Variants in DLGAP1 observed in about 807,000 individuals in gnomAD.
DLGAP1 encodes DLG associated protein 1.
In DLGAP1, 11 loss-of-function variants were observed where a neutral mutation model predicts 90.8. That is an observed-to-expected ratio of 0.12 (90% CI 0.08 to 0.20). The LOEUF (loss-of-function observed/expected upper bound fraction) is 0.20. Ranked by LOEUF, DLGAP1 falls within the 10% of genes least tolerant of loss-of-function variation. DLGAP1 has a pLI of 1.00. For missense variants in DLGAP1, 1,050 were observed against 1,333.8 expected, an observed-to-expected ratio of 0.79 and a Z score of 3.31; for synonymous variants, 558 against 540.7, an observed-to-expected ratio of 1.03 and a Z score of -0.44.
intron 10 of DLGAP1, among the ~76,000 whole-genome samples, chr18:3,511,078 G>A (rs2050513231): frequency 6.6e-6 from 1 of 152,166 alleles, no homozygotes; most frequent in Admixed American, 6.5e-5. Context: ...ACTGGCTCCA[G>A]GATACTTGCA....
chr18:4,404,402 C>G (rs1432785436), intron 1 of DLGAP1, among the ~76,000 whole-genome samples: 1 of 152,128 alleles, frequency 6.6e-6, no homozygotes. Context: ...ACACTAGCTG[C>G]TCTGGAGACC....
intron 2 of DLGAP1, among the ~76,000 whole-genome samples, chr18:4,101,546 T>C (rs9956666): frequency 0.13 from 19,185 of 152,104 alleles, 1,329 homozygotes; most frequent in African/African-American, 0.18. Context: ...AAAATAGCAC[T>C]GATAGACTCG....
chr18:4,451,936 G>A (rs1161577304), intron 1 of DLGAP1, among the ~76,000 whole-genome samples: 1 of 152,088 alleles, frequency 6.6e-6, no homozygotes, highest in East Asian at 1.9e-4. Flanking sequence ...AACGTGTTTA[G>A]GTTTTTCAAG....
chr18:4,059,836 T>C (rs1437588689), intron 2 of DLGAP1, among the ~76,000 whole-genome samples: 1 of 152,142 alleles, frequency 6.6e-6, no homozygotes, highest in Non-Finnish European at 1.5e-5. Flanking sequence ...TAACTGAGAT[T>C]AGAACAAGGA....
At chr18:3,759,907 G>C (rs1435205536) in intron 5 of DLGAP1, among the ~76,000 whole-genome samples, 1 of 152,192 alleles carries the variant, frequency 6.6e-6, no homozygotes, top group South Asian at 2.1e-4. Context: ...GAGCTGCAAG[G>C]GCAAAAACCT....
At chr18:3,631,927 G>GT (rs1184427388) in intron 7 of DLGAP1, among the ~76,000 whole-genome samples, 1 of 151,938 alleles carries the variant, frequency 6.6e-6, no homozygotes, top group African/African-American at 2.4e-5. Context: ...GAGACCACAG[G>GT]TGTGTGCCAC....
intron 7 of DLGAP1, among the ~76,000 whole-genome samples, chr18:3,675,840 CAT>C (rs2060278900): frequency 6.6e-6 from 1 of 152,206 alleles, no homozygotes; most frequent in African/African-American, 2.4e-5. Flanking sequence ...AATACTGCCA[CAT>C]GACTTTTTTT....
chr18:3,795,839 A>C (rs2065963885), intron 5 of DLGAP1, among the ~76,000 whole-genome samples: 1 of 152,082 alleles, frequency 6.6e-6, no homozygotes, highest in African/African-American at 2.4e-5. Flanking sequence ...TAAAACACAA[A>C]GGTTCTCCTC....
chr18:3,552,317 T>A (rs764576156), intron 9 of DLGAP1, among the ~76,000 whole-genome samples: 10 of 152,226 alleles, frequency 6.6e-5, no homozygotes, highest in African/African-American at 9.6e-5. Context: ...CTCCCTGAGT[T>A]TGCTGATCCT....
At chr18:3,547,909 C>G (rs1182151256) in intron 9 of DLGAP1, among the ~76,000 whole-genome samples, 1 of 152,042 alleles carries the variant, frequency 6.6e-6, no homozygotes, top group Admixed American at 6.5e-5. Context: ...ATATTATTCA[C>G]TCATAAAAAG....
chr18:3,733,373 T>G (rs1225477780), intron 6 of DLGAP1, among the ~76,000 whole-genome samples: 1 of 152,188 alleles, frequency 6.6e-6, no homozygotes, highest in Non-Finnish European at 1.5e-5. Flanking sequence ...AACTGTACTT[T>G]GAATTTTGAG....
chr18:4,378,658 C>T lies in DLGAP1; in HGVS notation c.-267+76348G>A, dbSNP rs2082061804. ...TTGAAAGCACCTAAGGTGCTCCGTACCTAATATGTACTCCATCAGGGTAGG... is the reference window on the plus strand; with the variant it reads ...TTGAAAGCACCTAAGGTGCTCCGTATCTAATATGTACTCCATCAGGGTAGG... On this transcript the variant is annotated intron_variant, in intron 1 of 12. Transcript: ENST00000315677. The surrounding 1 kb of genome is among the most constrained non-coding windows in gnomAD (Gnocchi z 4.5). 6.6e-6 allele frequency among the ~76,000 whole-genome samples: 1 copy of T among 152,140 alleles called. No homozygotes were observed.
intron 7 of DLGAP1, among the ~76,000 whole-genome samples, chr18:3,638,565 T>C (rs2058808860): frequency 6.6e-6 from 1 of 152,232 alleles, no homozygotes; most frequent in African/African-American, 2.4e-5. Flanking sequence ...TCCCCCCATC[T>C]TGTGATTTTA....
intron 1 of DLGAP1, among the ~76,000 whole-genome samples, chr18:4,304,691 G>A (rs1416269467): frequency 6.6e-6 from 1 of 152,204 alleles, no homozygotes; most frequent in African/African-American, 2.4e-5. Flanking sequence ...AACACTTTGG[G>A]AGGCTGAGGA....
At chr18:4,032,234 C>T (rs2074807464) in intron 2 of DLGAP1, among the ~76,000 whole-genome samples, 1 of 152,096 alleles carries the variant, frequency 6.6e-6, no homozygotes, top group Non-Finnish European at 1.5e-5. Context: ...GCTGCATCAC[C>T]CACAGACCTA....
At position 3,653,305 on chromosome 18, in the gene DLGAP1, G is replaced by A. The variant is rs368757762; in HGVS notation, c.1592-71057C>T. 16 of 152,134 alleles carry A rather than the reference G, an allele frequency of 1.1e-4. No homozygotes were observed. Among genetic ancestry groups the A allele is most frequent in the Admixed American group, 3.3e-4 (5 of 15,286 alleles). 9.4% of individuals were successfully genotyped at this position (152,134 alleles called of 1,614,324 possible). A position where few individuals can be genotyped will look rare whatever the true frequency, so the allele number is the denominator to read the frequency against. On this transcript the variant is annotated intron_variant, in intron 7 of 12. Transcript: ENST00000315677. The surrounding 1 kb of genome is among the most constrained non-coding windows in gnomAD (Gnocchi z 4.6). ...GTTTCTCTCTGACCCCAATTTTCTC[G>A]GAGTTTGGGATTATCAATCTAAAAT...
intron 7 of DLGAP1, chr18:3,596,555 C>CTTT (rs35616000): frequency 1.5e-4 from 29 of 191,712 alleles, no homozygotes; most frequent in Non-Finnish European, 2.3e-4. Flanking sequence ...GTTAGGAGAA[C>CTTT]TTTTTTTTTT....
intron 5 of DLGAP1, among the ~76,000 whole-genome samples, chr18:3,793,599 G>C (rs2065846869): frequency 6.6e-6 from 1 of 152,202 alleles, no homozygotes; most frequent in South Asian, 2.1e-4. Flanking sequence ...AGTACAACTC[G>C]AAGTGCTCCC....
chr18:4,176,536 C>G (rs1283368081), intron 1 of DLGAP1, among the ~76,000 whole-genome samples: 1 of 152,202 alleles, frequency 6.6e-6, no homozygotes, highest in East Asian at 1.9e-4. Context: ...GAGCCTTCTT[C>G]ATTTCCACTG....
Sources: allele counts gnomAD v4.1 joint callset (sites outside exome capture counted in the v4.1 genomes callset), GRCh38; gene constraint gnomAD v4.1.1; non-coding constraint Gnocchi (gnomAD v3.1); transcripts MANE v1.5; gene names NCBI Gene and HGNC (gene_info 2026-07-23, HGNC 2026-07-21).